The following L3MBTL1 variants were observed in gnomAD, a reference collection of about 807,000 sequenced individuals.
The protein encoded by L3MBTL1 is lethal(3)malignant brain tumor-like protein 1.
Under a neutral mutation model 105.3 loss-of-function variants are expected in L3MBTL1, and 75 were observed. The observed-to-expected ratio is 0.71, with a 90% confidence interval of 0.59 to 0.86. The LOEUF is 0.86. Ranked by LOEUF, L3MBTL1 falls within the 40% of genes least tolerant of loss-of-function variation. The probability of loss-of-function intolerance (pLI) is 0.00; values close to 1 mark genes in which losing one functional copy is unlikely to be tolerated. For missense variants in L3MBTL1, 1,069 were observed against 1,126.4 expected (o/e 0.95, Z 0.73); for synonymous variants, 452 against 436.2 (o/e 1.04, Z -0.45).
intron 19 of L3MBTL1, among the ~76,000 whole-genome samples, chr20:43,537,009 T>C (rs2019665981): frequency 6.6e-6 from 1 of 152,240 alleles, no homozygotes; most frequent in Non-Finnish European, 1.5e-5. Context: ...CTCTAACATG[T>C]ATATTGTTCT....
chr20:43,516,059 G>C (rs1568918638), intron 6 of L3MBTL1, 34 bp from the exon 7 acceptor site: 1 of 1,533,920 alleles, frequency 6.5e-7, no homozygotes, highest in Non-Finnish European at 9.0e-7. Flanking sequence ...AAACCATGAG[G>C]AGAAGAAGCT....
Position 43,536,310 on chromosome 20 carries a change from A to T in L3MBTL1, c.2123+16A>T. 1 of 1,612,244 alleles carries T rather than the reference A, an allele frequency of 6.2e-7. No homozygotes were observed. Among genetic ancestry groups the T allele is most frequent in the Non-Finnish European group, 8.5e-7 (1 of 1,179,066 alleles). Reference sequence around the variant, plus strand: ...ATCACGGCCGGTATGGAGGCCAGGGAATCAGGGCCCGGGCTTCCTGGGGGT... The same window carrying T: ...ATCACGGCCGGTATGGAGGCCAGGGTATCAGGGCCCGGGCTTCCTGGGGGT... On this transcript the variant is annotated intron_variant, in intron 18 of 21. Transcript: ENST00000418998.
At chr20:43,530,738 T>C in intron 10 of L3MBTL1, 60 bp from the exon 11 acceptor site, 1 of 1,468,728 alleles carries the variant, frequency 6.8e-7, no homozygotes, top group East Asian at 2.3e-5. Flanking sequence ...CACTGTGGGG[T>C]GCCCTTGCTG....
At chr20:43,512,242 T>A (rs1160588742) in intron 1 of L3MBTL1, among the ~76,000 whole-genome samples, 1 of 152,328 alleles carries the variant, frequency 6.6e-6, no homozygotes, top group East Asian at 1.9e-4. Flanking sequence ...TGGCTGGGAC[T>A]AGCATGGCAG....
intron 7 of L3MBTL1, among the ~76,000 whole-genome samples, chr20:43,527,100 C>T (rs1166003206): frequency 1.3e-5 from 2 of 152,186 alleles, no homozygotes; most frequent in Non-Finnish European, 2.9e-5. Flanking sequence ...GAATCCAGTC[C>T]TACAGCCTTA....
Position 43,534,268 on chromosome 20 carries a change from G to A in L3MBTL1, c.1600-16G>A, listed in dbSNP as rs373557748. The stretch of plus-strand genomic sequence containing the variant: ...TGAGCTGCGCCTTGCCCTGAAGGCA[G>A]CTGTCCCCTCTGCAGCGACCCCCTC... On this transcript the variant is annotated splice_polypyrimidine_tract_variant and intron_variant, in intron 14 of 21. Transcript: ENST00000418998. The A allele has an allele frequency of 1.2e-5, 19 of 1,610,554 alleles. No individual in the cohort carries two copies. In the African/African-American group the frequency reaches 1.3e-4, roughly 11 times the overall value.
chr20:43,550,129 C>CT, exon 19 of L3MBTL1: 1 of 152,022 alleles, frequency 6.6e-6, no homozygotes, highest in Non-Finnish European at 1.5e-5. Context: ...AAGAACAAGT[C>CT]TAAGCCTTGC....
chr20:43,532,825 G>A lies in L3MBTL1; in HGVS notation c.1337G>A (p.Arg446His), dbSNP rs756644032. ...GGCATGAAGCTGGAGGCTGTTGACCGCATGAACCCGTCCCTTGTCTGCGTG... is the reference window on the plus strand; with the variant it reads ...GGCATGAAGCTGGAGGCTGTTGACCACATGAACCCGTCCCTTGTCTGCGTG... ...QVGMKLEAVD[R>H]MNPSLVCVAS... The change falls in exon 12 of 22, where the codon CGC becomes CAC. Residue 446 changes from arginine (R) to histidine (H), a missense_variant. Physicochemically the swap from Arg to His is conservative, Grantham distance 29. Transcript: ENST00000418998. The A allele has an allele frequency of 9.3e-6, 15 of 1,614,194 alleles. No homozygotes were observed. The highest frequency in any genetic ancestry group is 6.7e-5 in the East Asian group (3 of 44,874).
chr20:43,536,018 A>C, intron 17 of L3MBTL1, 79 bp from the exon 18 acceptor site: 1 of 1,591,972 alleles, frequency 6.3e-7, no homozygotes, highest in Non-Finnish European at 8.6e-7. Context: ...ACCAAAACAC[A>C]CTCCAGCTGG....
intron 7 of L3MBTL1, among the ~76,000 whole-genome samples, chr20:43,520,002 G>A (rs1325462872): frequency 1.3e-5 from 2 of 151,688 alleles, no homozygotes; most frequent in African/African-American, 2.4e-5. Context: ...TTTTTTTGGT[G>A]TATTCACAGA....
rs946773763 is a variant in L3MBTL1, at chr20:43,541,458, T to C, written c.*330T>C. ...AATCATACCAGAACGTCTAGTATAA[T>C]TACAGTCATGCATTGCTTAACGATG... On this transcript the variant is annotated 3_prime_UTR_variant, in exon 22 of 22. Coordinates refer to ENST00000418998, the MANE Select transcript of L3MBTL1 (RefSeq NM_001377303.1). 3.5e-6 allele frequency: 1 copy of C among 286,442 alleles called. No homozygotes were observed. The highest frequency in any genetic ancestry group is 4.7e-5 in the Admixed American group (1 of 21,426). The allele number at this position is 286,442 out of a possible 1,614,324, so 17.7% of individuals were successfully genotyped here.
chr20:43,534,568 T>G, intron 15 of L3MBTL1, 174 bp downstream of exon 15: 1 of 626,384 alleles, frequency 1.6e-6, no homozygotes, highest in Non-Finnish European at 2.8e-6. Flanking sequence ...TCATTTTCCC[T>G]CTCTAAGCCT....
At chr20:43,522,954 A>G (rs1291867991) in intron 7 of L3MBTL1, among the ~76,000 whole-genome samples, 1 of 151,590 alleles carries the variant, frequency 6.6e-6, no homozygotes, top group Non-Finnish European at 1.5e-5. Flanking sequence ...ATACAAAAAA[A>G]AAAATTAGCT....
In L3MBTL1 at chr20:43,534,936, C is replaced by G. The variant is rs765153446; in HGVS notation, c.1819C>G (p.Pro607Ala). The G allele has an allele frequency of 6.3e-7, 1 of 1,597,002 alleles. No homozygotes were observed. The highest frequency in any genetic ancestry group is 8.5e-7 in the Non-Finnish European group (1 of 1,175,142). The change falls in exon 16 of 22, where the codon CCT becomes GCT. Residue 607 changes from proline to alanine, a missense_variant. By Grantham distance (27) the Pro-to-Ala change is conservative. Coordinates refer to ENST00000418998, the MANE Select transcript of L3MBTL1 (RefSeq NM_001377303.1). The part of the protein sequence containing the change: ...CSKTGHPLQP[P>A]LGPREPSSAS... ...CAAGACAGGACATCCCCTGCAGCCT[C>G]CTCTCGGTGTGTACCCCTAGGGCAC...
In L3MBTL1 at chr20:43,515,131, G is replaced by T; in HGVS notation, c.625G>T (p.Asp209Tyr). 1 of 1,614,176 alleles carries T rather than the reference G, an allele frequency of 6.2e-7. No homozygotes were observed. Among genetic ancestry groups the T allele is most frequent in the Non-Finnish European group, 8.5e-7 (1 of 1,180,008 alleles). The change falls in exon 5 of 22, where the codon GAT becomes TAT. Residue 209 changes from aspartate (D) to tyrosine (Y), a missense_variant. Physicochemically the swap from Asp to Tyr is radical, Grantham distance 160. Transcript: ENST00000418998. ...GGGTCCAGATCTTGGTTCCTCTAAT[G>T]ATGGCTGCCCTCAGCTGTTCCAGGA... ...AAGPDLGSSNDGCPQLFQERS... is the reference protein window; with the variant it reads ...AAGPDLGSSNYGCPQLFQERS...
intron 18 of L3MBTL1, among the ~76,000 whole-genome samples, chr20:43,547,102 C>CTTTTTTTTTTTTTTTTTTTTTT: frequency 8.2e-6 from 1 of 122,646 alleles, no homozygotes; most frequent in Non-Finnish European, 1.7e-5. Context: ...TTTTTAATGA[C>CTTTTTTTTTTTTTTTTTTTTTT]TTTTTTTTTT....
In L3MBTL1 at chr20:43,516,090, C is replaced by A; in HGVS notation, c.778-3C>A. Reference sequence around the variant, plus strand: ...AAGCTGGGATCAGGCTTGCCTTCTACAGGAGAAGCAAGAAGAAGGAAAGGA... The same window carrying A: ...AAGCTGGGATCAGGCTTGCCTTCTAAAGGAGAAGCAAGAAGAAGGAAAGGA... On this transcript the variant is annotated splice_region_variant and splice_polypyrimidine_tract_variant and intron_variant, in intron 6 of 21. Coordinates refer to ENST00000418998, the MANE Select transcript of L3MBTL1 (RefSeq NM_001377303.1). The A allele has an allele frequency of 6.2e-7, 1 of 1,611,980 alleles. No individual in the cohort carries two copies. The highest frequency in any genetic ancestry group is 8.5e-7 in the Non-Finnish European group (1 of 1,178,184).
intron 4 of L3MBTL1, 105 bp from the exon 5 acceptor site, chr20:43,514,904 A>T: frequency 6.8e-7 from 1 of 1,477,554 alleles, no homozygotes; most frequent in Non-Finnish European, 9.1e-7. Flanking sequence ...AGGCCATCCG[A>T]TGCGGAGATG....
chr20:43,543,474 G>A (rs1978359403), downstream of L3MBTL1, among the ~76,000 whole-genome samples: 3 of 152,152 alleles, frequency 2.0e-5, no homozygotes, highest in African/African-American at 7.2e-5. Context: ...AGGAACATTT[G>A]CTGTGTCTCT....
Sources: gnomAD v4.1 joint callset for allele counts (sites outside exome capture counted in the v4.1 genomes callset) on GRCh38, gnomAD v4.1.1 for gene constraint, MANE v1.5 for transcripts, NCBI Gene and HGNC (gene_info 2026-07-23, HGNC 2026-07-21) for gene names.